The following PASD1 variants were observed in gnomAD, a reference collection of about 807,000 sequenced individuals.
PASD1 encodes the protein circadian clock protein PASD1.
Under a neutral mutation model 58.8 loss-of-function variants are expected in PASD1, and 13 were observed. The ratio of observed to expected loss-of-function variants is 0.22; its 90% confidence interval spans 0.14 to 0.35. The LOEUF (loss-of-function observed/expected upper bound fraction) is 0.35, where lower values mean the gene tolerates loss of function less well. Ranked by LOEUF, PASD1 falls within the 10% of genes least tolerant of loss-of-function variation. PASD1 has a pLI of 1.00. For synonymous variants in PASD1, 236 were observed against 216.7 expected, an observed-to-expected ratio of 1.09 and a Z score of -0.78; for missense variants, 734 against 568.3, an observed-to-expected ratio of 1.29 and a Z score of -2.96.
intron 3 of PASD1, among the ~76,000 whole-genome samples, chrX:151,608,137 T>C (rs1391945314): frequency 8.9e-6 from 1 of 111,836 alleles, no homozygotes; most frequent in Non-Finnish European, 1.9e-5. Flanking sequence ...TGACTCTGTT[T>C]CACTGTGTAT....
chrX:151,631,409 G>A (rs1478314108), intron 8 of PASD1, among the ~76,000 whole-genome samples: 2 of 111,633 alleles, frequency 1.8e-5, no homozygotes, highest in African/African-American at 3.3e-5. Context: ...AGGAGTCTTT[G>A]GAAAGTATGT....
chrX:151,594,519 T>C (rs1442915310), intron 1 of PASD1, among the ~76,000 whole-genome samples: 1 of 111,851 alleles, frequency 8.9e-6, no homozygotes, highest in East Asian at 2.8e-4. Flanking sequence ...TGCCATGGAT[T>C]AATATTGTGC....
chrX:151,619,738 G>T (rs1452046904), intron 4 of PASD1, among the ~76,000 whole-genome samples: 1 of 111,306 alleles, frequency 9.0e-6, no homozygotes, highest in Non-Finnish European at 1.9e-5. Context: ...GAGTGGAGTG[G>T]TTAGATATAA....
chrX:151,610,416 T>A (rs903435953), intron 3 of PASD1, among the ~76,000 whole-genome samples: 2 of 111,672 alleles, frequency 1.8e-5, no homozygotes, highest in Admixed American at 1.9e-4. Flanking sequence ...GAGTCAGTTT[T>A]GAGTCTCTTG....
At chrX:151,624,009 A>G (rs934999155) in intron 7 of PASD1, among the ~76,000 whole-genome samples, 1 of 111,801 alleles carries the variant, frequency 8.9e-6, no homozygotes, top group Non-Finnish European at 1.9e-5. Flanking sequence ...TTTCAAGTGC[A>G]TTGGAAAGCA....
chrX:151,587,219 G>A (rs1416742118), intron 1 of PASD1, among the ~76,000 whole-genome samples: 5 of 83,973 alleles, frequency 6.0e-5, no homozygotes, highest in Non-Finnish European at 1.1e-4. Context: ...ACAGATCTGG[G>A]TTTGCCTTTT....
chrX:151,623,587 C>A (rs1156916909), intron 7 of PASD1, among the ~76,000 whole-genome samples: 2 of 111,909 alleles, frequency 1.8e-5, no homozygotes, highest in Non-Finnish European at 3.8e-5. Flanking sequence ...TAGTAAGTAC[C>A]TACTGTGTTA....
At chrX:151,662,276 T>G (rs1256073592) in intron 10 of PASD1, among the ~76,000 whole-genome samples, 1 of 111,269 alleles carries the variant, frequency 9.0e-6, no homozygotes, top group Non-Finnish European at 1.9e-5. Context: ...TTATTTGGTT[T>G]GCAATCCAAT....
At chrX:151,642,987 G>A (rs1326618843) in intron 8 of PASD1, among the ~76,000 whole-genome samples, 2 of 111,396 alleles carry the variant, frequency 1.8e-5, no homozygotes, top group Non-Finnish European at 3.8e-5. Context: ...CATGAGAGAA[G>A]GAAATGAGGA....
rs375589752 is a variant in PASD1, at chrX:151,676,177, G to C, written c.*34G>C. 1.7e-5 allele frequency: 20 copies of C among 1,188,145 alleles called. No individual in the cohort carries two copies. Among genetic ancestry groups the C allele is most frequent in the Middle Eastern group, 2.7e-4 (1 of 3,718 alleles). On this transcript the variant is annotated 3_prime_UTR_variant, in exon 16 of 16. Transcript: ENST00000370357. ...TCATGACCAGTGATGAGGGGAAATGGGGGGAGGGGGCAGGCCAATGAGGTC... is the reference window on the plus strand; with the variant it reads ...TCATGACCAGTGATGAGGGGAAATGCGGGGAGGGGGCAGGCCAATGAGGTC...
chrX:151,601,792 C>T (rs1432904756), intron 2 of PASD1, among the ~76,000 whole-genome samples: 1 of 111,679 alleles, frequency 9.0e-6, no homozygotes, highest in African/African-American at 3.3e-5. Flanking sequence ...CCCTCTTCCT[C>T]AAACTGTGTC....
At chrX:151,593,474 T>C (rs778846669) in intron 1 of PASD1, among the ~76,000 whole-genome samples, 1 of 97,634 alleles carries the variant, frequency 1.0e-5, no homozygotes, top group African/African-American at 3.8e-5. Context: ...GATTCCCACC[T>C]GTGAGTGAGA....
At chrX:151,639,031 A>G (rs2013966567) in intron 8 of PASD1, among the ~76,000 whole-genome samples, 1 of 112,123 alleles carries the variant, frequency 8.9e-6, no homozygotes, top group South Asian at 3.7e-4. Context: ...TCTGTAAAGC[A>G]TACTGCTTTC....
intron 6 of PASD1, among the ~76,000 whole-genome samples, 176 bp downstream of exon 6, chrX:151,621,768 T>TG (rs34345874): frequency 0.13 from 13,985 of 108,859 alleles, 1,232 homozygotes; most frequent in African/African-American, 0.31. Context: ...ATTTACAAGG[T>TG]GGGGGACACT....
In PASD1 at chrX:151,587,225, C is replaced by CTTT. The variant is rs33922090; in HGVS notation, c.-27-14287_-27-14285dup. Among the ~76,000 whole-genome samples the CTTT allele has an allele frequency of 4.4e-4, 36 of 82,469 alleles. 1 individual carries two copies. Among genetic ancestry groups the CTTT allele is most frequent in the African/African-American group, 1.1e-3 (26 of 22,669 alleles). 71.6% of individuals were successfully genotyped at this position (82,469 alleles called of 115,157 possible). On this transcript the variant is annotated intron_variant, in intron 1 of 15. Transcript: ENST00000370357. ...TGTTTCTTTACAGATCTGGGTTTGC[C>CTTT]TTTTTTTTTTTTTTTTTGTACCTAT...
At chrX:151,565,876 G>T (rs986370164) in intron 1 of PASD1, among the ~76,000 whole-genome samples, 1 of 111,935 alleles carries the variant, frequency 8.9e-6, no homozygotes, top group African/African-American at 3.2e-5. Context: ...CTTTCTAATG[G>T]CTGGCCTTTA....
intron 8 of PASD1, among the ~76,000 whole-genome samples, chrX:151,629,361 G>A (rs975651964): frequency 9.0e-6 from 1 of 110,836 alleles, no homozygotes; most frequent in Admixed American, 9.6e-5. Flanking sequence ...CTCATGATCC[G>A]CCCGCCTCGG....
chrX:151,606,770 A>G (rs898226383), intron 3 of PASD1, among the ~76,000 whole-genome samples: 2 of 110,281 alleles, frequency 1.8e-5, no homozygotes, highest in African/African-American at 6.6e-5. Flanking sequence ...CAAAATGCCA[A>G]AAGCAAGCAG....
chrX:151,628,883 G>C (rs2013829486), intron 8 of PASD1, among the ~76,000 whole-genome samples: 1 of 111,186 alleles, frequency 9.0e-6, no homozygotes, highest in African/African-American at 3.3e-5. Context: ...GTGGTTTGTA[G>C]TTCTCCTTGA....
Sources: allele counts gnomAD v4.1 joint callset (sites outside exome capture counted in the v4.1 genomes callset), GRCh38; gene constraint gnomAD v4.1.1; transcripts MANE v1.5; gene names NCBI Gene and HGNC (gene_info 2026-07-23, HGNC 2026-07-21).